AMMECR1L: variants seen among roughly 807,000 people sequenced by gnomAD.
AMMECR1L encodes the protein AMMECR1 like, also known as AMMECR1-like protein.
A neutral mutation model predicts 36.8 loss-of-function variants in AMMECR1L; 4 were observed. That is an observed-to-expected ratio of 0.11 (90% CI 0.05 to 0.25). The LOEUF is 0.25. Among genes scored for constraint, AMMECR1L ranks in the 10% least tolerant of loss-of-function variants. The pLI is 1.00. For synonymous variants in AMMECR1L, 147 were observed against 148.0 expected (o/e 0.99, Z 0.05); for missense variants, 232 against 392.1 (o/e 0.59, Z 3.45).
At position 127,876,382 on chromosome 2, in the gene AMMECR1L, C is replaced by T. The variant is rs1489709763; in HGVS notation, c.-38-2110G>A. Among the ~76,000 whole-genome samples the T allele has an allele frequency of 4.1e-5, 6 of 147,730 alleles. No individual in the cohort carries two copies. In the South Asian group the frequency reaches 6.4e-4, roughly 16 times the overall value. On this transcript the variant is annotated intron_variant, in intron 2 of 7. Coordinates refer to ENST00000272647, the MANE Select transcript of AMMECR1L (RefSeq NM_001199140.2). ...AAAAAAAAAAAAGGTGGTAGGGGGG[C>T]GGTGCGGTGTGCGGTGGGGATCCTC...
intron 3 of AMMECR1L, among the ~76,000 whole-genome samples, chr2:127,872,451 G>A (rs1271375538): frequency 6.6e-6 from 1 of 152,084 alleles, no homozygotes; most frequent in African/African-American, 2.4e-5. Context: ...TTAGCAAGAG[G>A]TTTCAAGGCC....
chr2:127,868,744 G>C (rs866891734), intron 6 of AMMECR1L, among the ~76,000 whole-genome samples: 8 of 150,450 alleles, frequency 5.3e-5, no homozygotes, highest in African/African-American at 2.0e-4. Context: ...TTTTTTTTTG[G>C]AGATGGAGGC....
At chr2:127,882,956 T>C (rs1348169242) in intron 2 of AMMECR1L, among the ~76,000 whole-genome samples, 1 of 150,540 alleles carries the variant, frequency 6.6e-6, no homozygotes, top group Non-Finnish European at 1.5e-5. Flanking sequence ...CTGCCCAGGC[T>C]GAAGTGGCTA....
At chr2:127,876,989 C>T (rs889981578) in intron 2 of AMMECR1L, among the ~76,000 whole-genome samples, 2 of 149,916 alleles carry the variant, frequency 1.3e-5, no homozygotes, top group African/African-American at 4.9e-5. Context: ...TGCACTCCAG[C>T]CTGGGCAATA....
rs1052977767 is a variant in AMMECR1L, at chr2:127,871,084, T to C, written c.519-156A>G. Among the ~76,000 whole-genome samples, 1 of 152,228 alleles carries C rather than the reference T, an allele frequency of 6.6e-6. No individual in the cohort carries two copies. Among genetic ancestry groups the C allele is most frequent in the African/African-American group, 2.4e-5 (1 of 41,464 alleles). On this transcript the variant is annotated intron_variant, in intron 4 of 7. Coordinates refer to ENST00000272647, the MANE Select transcript of AMMECR1L (RefSeq NM_001199140.2). This position sits in a 1 kb window ranked among gnomAD's most constrained non-coding sequence, Gnocchi z 4.3. ...TTAAAAACAACTCGATGCTATTAAC[T>C]GTCTGTACTTGAACTGATAACTGAC...
In AMMECR1L at chr2:127,876,858, A is replaced by C. The variant is rs1262162933; in HGVS notation, c.-38-2586T>G. ...CATGGAGAAACCTCATCTCTACTAA[A>C]AATACAAAATTAGCTGGGCATGGTG... On this transcript the variant is annotated intron_variant, in intron 2 of 7. Transcript: ENST00000272647. 5.3e-5 allele frequency among the ~76,000 whole-genome samples: 8 copies of C among 151,918 alleles called. No homozygotes were observed. In the East Asian group the frequency reaches 1.5e-3, roughly 29 times the overall value.
intron 5 of AMMECR1L, among the ~76,000 whole-genome samples, chr2:127,870,102 G>T (rs745917731): frequency 1.7e-4 from 26 of 151,964 alleles, no homozygotes; most frequent in Non-Finnish European, 2.9e-4. Flanking sequence ...GGATCACGAG[G>T]TCAAGAGATT....
At position 127,864,449 on chromosome 2, in the gene AMMECR1L, C is replaced by T. The variant is rs142404078; in HGVS notation, c.*645G>A. 253 of 152,568 alleles carry T rather than the reference C, an allele frequency of 1.7e-3. 2 individuals carry two copies. Among genetic ancestry groups the T allele is most frequent in the South Asian group, 0.012 (58 of 4,812 alleles). The allele number at this position is 152,568 out of a possible 1,614,324, so 9.5% of individuals were successfully genotyped here. ...AGTGGGATGAGGATGAAAATCTTCA[C>T]GGCCTACTGAGCAATGAGATCTGCA... On this transcript the variant is annotated 3_prime_UTR_variant, in exon 8 of 8. Transcript: ENST00000272647.
intron 2 of AMMECR1L, among the ~76,000 whole-genome samples, chr2:127,877,034 T>C (rs79167228): frequency 5.2e-4 from 23 of 44,100 alleles, no homozygotes; most frequent in East Asian, 2.0e-3. Flanking sequence ...TATATATATA[T>C]ACATATATAT....
At chr2:127,877,001 G>A (rs951438388) in intron 2 of AMMECR1L, among the ~76,000 whole-genome samples, 21 of 146,738 alleles carry the variant, frequency 1.4e-4, no homozygotes, top group African/African-American at 5.3e-4. Flanking sequence ...TGGGCAATAA[G>A]AGCGAAACTC....
chr2:127,882,904 T>A (rs1691576167), intron 2 of AMMECR1L, among the ~76,000 whole-genome samples: 1 of 148,720 alleles, frequency 6.7e-6, no homozygotes, highest in Non-Finnish European at 1.5e-5. Flanking sequence ...GCCCAGAATT[T>A]TTTTTTTTTT....
chr2:127,863,297 C>T lies in AMMECR1L; in HGVS notation c.*1797G>A, dbSNP rs560583742. The T allele has an allele frequency of 6.6e-6, 1 of 152,596 alleles. No homozygotes were observed. The highest frequency in any genetic ancestry group is 2.4e-5 in the African/African-American group (1 of 41,436). The allele number at this position is 152,596 out of a possible 1,614,324, so 9.5% of individuals were successfully genotyped here. On this transcript the variant is annotated 3_prime_UTR_variant, in exon 8 of 8. Transcript: ENST00000272647. ...TCTTCATTTACATTGCCAAGGGAAA[C>T]GTAGCAGGCTGCAGGAACCCAGCAC...
intron 3 of AMMECR1L, chr2:127,872,872 C>A (rs781325148): frequency 5.8e-6 from 3 of 515,104 alleles, no homozygotes; most frequent in Non-Finnish European, 7.5e-6. Context: ...ACCATGTTAC[C>A]CCAGGGTGAC....
Position 127,865,926 on chromosome 2 carries a change from C to A in AMMECR1L, c.822-721G>T, listed in dbSNP as rs1237786477. Reference sequence around the variant, plus strand: ...CTTACCCAGAGCCATCTCTTTCCCACTGTAATCACTCCTCCACTGCAAGGT... The same window carrying A: ...CTTACCCAGAGCCATCTCTTTCCCAATGTAATCACTCCTCCACTGCAAGGT... On this transcript the variant is annotated intron_variant, in intron 7 of 7. Coordinates refer to ENST00000272647, the MANE Select transcript of AMMECR1L (RefSeq NM_001199140.2). This position sits in a 1 kb window ranked among gnomAD's most constrained non-coding sequence, Gnocchi z 5.4. Among the ~76,000 whole-genome samples, 1 of 152,226 alleles carries A rather than the reference C, an allele frequency of 6.6e-6. No individual in the cohort carries two copies. The highest frequency in any genetic ancestry group is 2.4e-5 in the African/African-American group (1 of 41,466).
chr2:127,867,197 T>C, intron 6 of AMMECR1L: 2 of 985,466 alleles, frequency 2.0e-6, no homozygotes, highest in Non-Finnish European at 2.4e-6. Flanking sequence ...CATGAGATGA[T>C]AGCCCGACAC....
In AMMECR1L at chr2:127,871,106, T is replaced by TGA; in HGVS notation, c.518+141_518+142dup. 2.0e-6 allele frequency: 2 copies of TGA among 988,654 alleles called. No homozygotes were observed. Among genetic ancestry groups the TGA allele is most frequent in the African/African-American group, 1.6e-5 (1 of 61,314 alleles). 61.2% of individuals were successfully genotyped at this position (988,654 alleles called of 1,614,324 possible). A position where few individuals can be genotyped will look rare whatever the true frequency, so the allele number is the denominator to read the frequency against. ...AACTGTCTGTACTTGAACTGATAACTGACTCACCAGATTAAGCCCCTTACA... is the reference window on the plus strand; with the variant it reads ...AACTGTCTGTACTTGAACTGATAACTGAGACTCACCAGATTAAGCCCCTTACA... On this transcript the variant is annotated intron_variant, in intron 4 of 7. Transcript: ENST00000272647. This position sits in a 1 kb window ranked among gnomAD's most constrained non-coding sequence, Gnocchi z 4.3.
In AMMECR1L at chr2:127,864,244, G is replaced by A. The variant is rs1304070798; in HGVS notation, c.*850C>T. On this transcript the variant is annotated 3_prime_UTR_variant, in exon 8 of 8. Coordinates refer to ENST00000272647, the MANE Select transcript of AMMECR1L (RefSeq NM_001199140.2). ...GCTATAGGCACTGCTACCAGCAGAG[G>A]AGTGAGGTAGCCAGGCGGTGCAGAA... 2 of 152,708 alleles carry A rather than the reference G, an allele frequency of 1.3e-5. No homozygotes were observed. The highest frequency in any genetic ancestry group is 2.1e-4 in the South Asian group (1 of 4,840). The allele number at this position is 152,708 out of a possible 1,614,324, so 9.5% of individuals were successfully genotyped here. A position where few individuals can be genotyped will look rare whatever the true frequency, so the allele number is the denominator to read the frequency against.
intron 5 of AMMECR1L, among the ~76,000 whole-genome samples, chr2:127,870,407 A>G (rs553415697): frequency 6.6e-6 from 1 of 151,972 alleles, no homozygotes; most frequent in African/African-American, 2.4e-5. Context: ...CTCGGGAGGC[A>G]GAGGTTGCAG....
chr2:127,882,155 T>TG (rs1318333788), intron 2 of AMMECR1L, among the ~76,000 whole-genome samples: 1 of 152,040 alleles, frequency 6.6e-6, no homozygotes, highest in Non-Finnish European at 1.5e-5. Context: ...AGCCTAAAGG[T>TG]GGGGGGAAAA....
Sources: gnomAD v4.1 joint callset for allele counts (sites outside exome capture counted in the v4.1 genomes callset) on GRCh38, gnomAD v4.1.1 for gene constraint, Gnocchi (gnomAD v3.1) non-coding constraint, MANE v1.5 for transcripts, NCBI Gene and HGNC (gene_info 2026-07-23, HGNC 2026-07-21) for gene names.